Variants in PCDHGA4 observed in about 807,000 individuals in gnomAD.
PCDHGA4 encodes protocadherin gamma-A4.
PCDHGA4 carries 38 observed loss-of-function variants against 54.6 expected under a neutral mutation model. The observed-to-expected ratio is 0.70, with a 90% CI of 0.54 to 0.91. PCDHGA4 has a LOEUF of 0.91. PCDHGA4 is among the 40% of genes least tolerant of loss of function. The probability of loss-of-function intolerance (pLI) is 0.00; values close to 1 mark genes in which losing one functional copy is unlikely to be tolerated. For synonymous variants in PCDHGA4, 511 were observed against 512.9 expected (o/e 1.00, Z 0.05); for missense variants, 1,298 against 1,220.9 (o/e 1.06, Z -0.94).
chr5:141,459,981 G>C (rs1023972964), intron 1 of PCDHGA4, among the ~76,000 whole-genome samples: 7 of 152,330 alleles, frequency 4.6e-5, no homozygotes, highest in Admixed American at 1.3e-4. Context: ...AGGAGGCTGA[G>C]ACAGGAGAAT....
chr5:141,358,113 C>A (rs1434059744), intron 1 of PCDHGA4, among the ~76,000 whole-genome samples: 1 of 152,208 alleles, frequency 6.6e-6, no homozygotes, highest in African/African-American at 2.4e-5. Flanking sequence ...TTGCTTGAAC[C>A]TGGGAGGCAG....
intron 1 of PCDHGA4, among the ~76,000 whole-genome samples, chr5:141,449,003 T>A (rs2098622649): frequency 1.3e-5 from 2 of 152,280 alleles, no homozygotes; most frequent in African/African-American, 4.8e-5. Context: ...AAAGCTGTTT[T>A]TTTTAACAGT....
chr5:141,409,736 G>C (rs1053484390), intron 1 of PCDHGA4: 9 of 1,612,992 alleles, frequency 5.6e-6, no homozygotes, highest in South Asian at 2.2e-5. Context: ...CGCGCAGAGC[G>C]GGGTGGTGTT....
At chr5:141,385,281 C>G (rs761366864) in intron 1 of PCDHGA4, 15 of 1,613,230 alleles carry the variant, frequency 9.3e-6, no homozygotes, top group Admixed American at 3.3e-5. Flanking sequence ...TGCTAACATC[C>G]GTAGATTTTC....
chr5:141,369,491 AC>A lies in PCDHGA4; in HGVS notation c.2514+11874del, dbSNP rs569923210. Among the ~76,000 whole-genome samples, 212 of 152,086 alleles carry A rather than the reference AC, an allele frequency of 1.4e-3. 1 individual carries two copies. Among genetic ancestry groups the A allele is most frequent in the African/African-American group, 4.8e-3 (199 of 41,476 alleles). On this transcript the variant is annotated intron_variant, in intron 1 of 3. Coordinates refer to ENST00000571252, the MANE Select transcript of PCDHGA4 (RefSeq NM_018917.4). ...AGCCCAGCCTGGGCAACATAGTGAA[AC>A]CCCACCTCTATAGAAAAAAAAAGTT...
At chr5:141,404,196 C>T in intron 1 of PCDHGA4, 3 of 1,613,466 alleles carry the variant, frequency 1.9e-6, no homozygotes, top group Non-Finnish European at 1.7e-6. Context: ...CGAGAAAAAG[C>T]CTCAGAATAT....
At chr5:141,451,060 C>T (rs1241509553) in intron 1 of PCDHGA4, among the ~76,000 whole-genome samples, 1 of 151,562 alleles carries the variant, frequency 6.6e-6, no homozygotes, top group African/African-American at 2.4e-5. Context: ...GAACTCCTGA[C>T]CTTGTGATCC....
chr5:141,390,234 G>A (rs1357417854), intron 1 of PCDHGA4: 15 of 1,614,046 alleles, frequency 9.3e-6, no homozygotes, highest in Non-Finnish European at 1.3e-5. Context: ...TGATTCATCT[G>A]GGGCCTTATT....
At chr5:141,399,298 A>T (rs1451298331) in intron 1 of PCDHGA4, 1 of 1,613,850 alleles carries the variant, frequency 6.2e-7, no homozygotes, top group Non-Finnish European at 8.5e-7. Flanking sequence ...TTTTAAGATT[A>T]TCTCTTCATC....
chr5:141,404,676 T>G lies in PCDHGA4; in HGVS notation c.2514+47055T>G, dbSNP rs904942152. The stretch of plus-strand genomic sequence containing the variant: ...CTCCCCACTGATGGTTCTACTGGTG[T>G]GGAGCTGGCACCCCGCTCTGCAGAG... On this transcript the variant is annotated intron_variant, in intron 1 of 3. Transcript: ENST00000571252. 3.1e-6 allele frequency: 5 copies of G among 1,614,010 alleles called. No individual in the cohort carries two copies. In the African/African-American group the frequency reaches 6.7e-5, roughly 22 times the overall value.
At chr5:141,388,658 G>T in intron 1 of PCDHGA4, 7 of 1,613,908 alleles carry the variant, frequency 4.3e-6, no homozygotes, top group Non-Finnish European at 5.9e-6. Context: ...TGTACCCGGG[G>T]ACCACGGTGC....
At chr5:141,456,819 C>A (rs1453433865) in intron 1 of PCDHGA4, among the ~76,000 whole-genome samples, 1 of 151,982 alleles carries the variant, frequency 6.6e-6, no homozygotes, top group Non-Finnish European at 1.5e-5. Flanking sequence ...AAAAAATTAG[C>A]CATCGTGGTA....
rs780436102 is a variant in PCDHGA4 at position 141,431,846 on chromosome 5, G to T, written c.2515-62961G>T. On this transcript the variant is annotated intron_variant, in intron 1 of 3. Coordinates refer to ENST00000571252, the MANE Select transcript of PCDHGA4 (RefSeq NM_018917.4). The surrounding 1 kb of genome is among the most constrained non-coding windows in gnomAD (Gnocchi z 4.8). ...CTCGGTTCCCGAAAACTCTCCCAGA[G>T]GGACATTAATTGCCCTTTTAAATGT... 4 of 1,614,274 alleles carry T rather than the reference G, an allele frequency of 2.5e-6. No homozygotes were observed. The South Asian group carries it at 4.4e-5, about 18-fold the overall frequency.
intron 1 of PCDHGA4, chr5:141,365,372 A>T (rs1763874663): frequency 6.2e-7 from 1 of 1,613,798 alleles, no homozygotes; most frequent in African/African-American, 1.3e-5. Flanking sequence ...CCCCGAAGTG[A>T]TCCTCACCTC....
rs763072566 is a variant in PCDHGA4 at position 141,419,417 on chromosome 5, T to G, written c.2514+61796T>G. The stretch of plus-strand genomic sequence containing the variant: ...CGGGGTGGTGTTCGCGCAGCGCGCC[T>G]TCGACCACGAGCAGCTGCGCACCTT... On this transcript the variant is annotated intron_variant, in intron 1 of 3. Transcript: ENST00000571252. 3.0e-5 allele frequency: 48 copies of G among 1,613,288 alleles called. No homozygotes were observed. Among genetic ancestry groups the G allele is most frequent in the Non-Finnish European group, 3.8e-5 (45 of 1,179,884 alleles).
chr5:141,400,516 C>T, intron 1 of PCDHGA4: 2 of 1,613,964 alleles, frequency 1.2e-6, no homozygotes, highest in African/African-American at 1.3e-5. Context: ...GACTTCCCAT[C>T]CTGAGTTGGT....
rs191165530 is a variant in PCDHGA4 at position 141,439,134 on chromosome 5, A to T, written c.2515-55673A>T. On this transcript the variant is annotated intron_variant, in intron 1 of 3. Coordinates refer to ENST00000571252, the MANE Select transcript of PCDHGA4 (RefSeq NM_018917.4). The stretch of plus-strand genomic sequence containing the variant: ...CTTGAACCCGGGAGACAGAGGTTGC[A>T]GTGAGCTGAGATCACGCCACTGCAC... Among the ~76,000 whole-genome samples the T allele has an allele frequency of 2.4e-3, 368 of 151,344 alleles. 1 individual carries two copies. Among genetic ancestry groups the T allele is most frequent in the African/African-American group, 8.5e-3 (349 of 41,216 alleles).
At chr5:141,390,029 C>A in intron 1 of PCDHGA4, 1 of 1,614,086 alleles carries the variant, frequency 6.2e-7, no homozygotes, top group Non-Finnish European at 8.5e-7. Flanking sequence ...GCCTGCGACG[C>A]TCCTCCAGCC....
Position 141,389,968 on chromosome 5 carries a change from C to A in PCDHGA4, c.2514+32347C>A, listed in dbSNP as rs898974383. ...CAGTTTTACCTAGTGGTGGCCTTGG[C>A]CTTGATCTCAGTGCTCTTCCTCGTG... is the stretch of plus-strand genomic sequence containing the variant. On this transcript the variant is annotated intron_variant, in intron 1 of 3. Coordinates refer to ENST00000571252, the MANE Select transcript of PCDHGA4 (RefSeq NM_018917.4). 3 of 1,613,908 alleles carry A rather than the reference C, an allele frequency of 1.9e-6. No homozygotes were observed. The highest frequency in any genetic ancestry group is 2.5e-6 in the Non-Finnish European group (3 of 1,179,892).
Sources: allele counts gnomAD v4.1 joint callset (sites outside exome capture counted in the v4.1 genomes callset), GRCh38; gene constraint gnomAD v4.1.1; non-coding constraint Gnocchi (gnomAD v3.1); transcripts MANE v1.5; gene names NCBI Gene and HGNC (gene_info 2026-07-23, HGNC 2026-07-21).